Variants in PDE4D observed in about 807,000 individuals in gnomAD.
PDE4D encodes the protein 3',5'-cyclic-AMP phosphodiesterase 4D.
In PDE4D, 24 loss-of-function variants were observed where a neutral mutation model predicts 87.4. That is an observed-to-expected ratio of 0.27 (90% CI 0.20 to 0.39). The LOEUF (loss-of-function observed/expected upper bound fraction) is 0.39. Ranked by LOEUF, PDE4D falls within the 10% of genes least tolerant of loss-of-function variation. PDE4D has a pLI of 1.00. For missense variants in PDE4D, 714 were observed against 1,041.0 expected, an observed-to-expected ratio of 0.69 and a Z score of 4.32; for synonymous variants, 384 against 383.2, an observed-to-expected ratio of 1.00 and a Z score of -0.02.
intron 1 of PDE4D, among the ~76,000 whole-genome samples, chr5:59,480,219 T>A (rs1360169317): frequency 6.6e-6 from 1 of 152,144 alleles, no homozygotes; most frequent in East Asian, 1.9e-4. Flanking sequence ...TTCAAACTGT[T>A]CAGTAATAGT....
intron 1 of PDE4D, among the ~76,000 whole-genome samples, chr5:59,748,490 C>T (rs933217170): frequency 3.3e-5 from 5 of 152,074 alleles, no homozygotes; most frequent in Admixed American, 1.3e-4. Flanking sequence ...GATGAGTTCA[C>T]GTGCTTTGTA....
chr5:59,157,454 C>A (rs1377188844), intron 5 of PDE4D: 25 of 656,566 alleles, frequency 3.8e-5, no homozygotes, highest in Non-Finnish European at 6.6e-5. Flanking sequence ...TATTGTAAAC[C>A]ACTTGAATTT....
At chr5:59,700,856 C>T (rs1752457311) in intron 1 of PDE4D, among the ~76,000 whole-genome samples, 1 of 152,190 alleles carries the variant, frequency 6.6e-6, no homozygotes, top group Non-Finnish European at 1.5e-5. Context: ...AAAGCTAGCT[C>T]AAGCCTATGT....
chr5:59,667,298 G>A (rs756713187), intron 1 of PDE4D, among the ~76,000 whole-genome samples: 7 of 151,974 alleles, frequency 4.6e-5, no homozygotes, highest in Middle Eastern at 3.4e-3. Context: ...GCTGTGTTGC[G>A]TTGCATTGCA....
chr5:60,360,312 G>T (rs1415843955), intron 1 of PDE4D, among the ~76,000 whole-genome samples: 1 of 152,162 alleles, frequency 6.6e-6, no homozygotes, highest in Non-Finnish European at 1.5e-5. Context: ...CTTTGCAGAA[G>T]GAAGCATTAC....
intron 1 of PDE4D, among the ~76,000 whole-genome samples, chr5:59,656,927 T>G (rs1310259209): frequency 6.6e-6 from 1 of 152,218 alleles, no homozygotes; most frequent in African/African-American, 2.4e-5. Context: ...TAACTTTTTT[T>G]CTAATTTGTC....
rs147008726 is a variant in PDE4D at position 59,321,253 on chromosome 5, G to A, written c.456-105285C>T. 6.9e-4 allele frequency among the ~76,000 whole-genome samples: 105 copies of A among 152,010 alleles called. No individual in the cohort carries two copies. The East Asian group carries it at 0.017, about 25-fold the overall frequency. Reference sequence around the variant, plus strand: ...GTTACCTGGCCTATGTCTTTCCCTCGCTCCCTGAGATGGCATTCTTGGAAC... The same window carrying A: ...GTTACCTGGCCTATGTCTTTCCCTCACTCCCTGAGATGGCATTCTTGGAAC... On this transcript the variant is annotated intron_variant, in intron 1 of 14. Coordinates refer to ENST00000340635, the MANE Select transcript of PDE4D (RefSeq NM_001104631.2).
At chr5:60,432,443 G>T (rs889935694) in intron 1 of PDE4D, among the ~76,000 whole-genome samples, 1 of 152,130 alleles carries the variant, frequency 6.6e-6, no homozygotes, top group African/African-American at 2.4e-5. Flanking sequence ...CTTGCTATTG[G>T]TCTGATCAGG....
intron 2 of PDE4D, among the ~76,000 whole-genome samples, chr5:60,047,038 T>A (rs1415689012): frequency 6.6e-6 from 1 of 152,232 alleles, no homozygotes. Flanking sequence ...ATTGCCTCAA[T>A]TTCAGAGCCT....
intron 1 of PDE4D, among the ~76,000 whole-genome samples, chr5:60,402,748 G>T: frequency 6.6e-6 from 1 of 152,170 alleles, no homozygotes; most frequent in East Asian, 1.9e-4. Context: ...GACTCCTAAG[G>T]GATGTTTATA....
intron 1 of PDE4D, among the ~76,000 whole-genome samples, chr5:59,756,803 G>T (rs1374036673): frequency 2.9e-5 from 4 of 139,794 alleles, no homozygotes; most frequent in Non-Finnish European, 4.5e-5. Context: ...GAATGTGGAG[G>T]TTCTTACTTT....
At chr5:59,879,649 A>G (rs1749146548) in intron 1 of PDE4D, among the ~76,000 whole-genome samples, 1 of 152,266 alleles carries the variant, frequency 6.6e-6, no homozygotes, top group African/African-American at 2.4e-5. Context: ...AAATATTTAA[A>G]GCAAATGCTT....
intron 1 of PDE4D, among the ~76,000 whole-genome samples, chr5:59,663,719 G>A (rs970304034): frequency 2.0e-5 from 3 of 152,200 alleles, no homozygotes; most frequent in Middle Eastern, 3.4e-3. Flanking sequence ...GCAGCAGCGG[G>A]ATCTATTTAT....
Position 60,143,087 on chromosome 5 carries a change from G to A in PDE4D, c.42+42470C>T, listed in dbSNP as rs561237443. ...GATTTGGGCAATAAGACACCCTCACGGTAGCTGGGAGTGAATAAGGAACCA... is the reference window on the plus strand; with the variant it reads ...GATTTGGGCAATAAGACACCCTCACAGTAGCTGGGAGTGAATAAGGAACCA... On this transcript the variant is annotated intron_variant, in intron 2 of 16. Coordinates refer to the PDE4D transcript ENST00000502484. Among the ~76,000 whole-genome samples, 5 of 152,288 alleles carry A rather than the reference G, an allele frequency of 3.3e-5. No individual in the cohort carries two copies. In the East Asian group the frequency reaches 7.7e-4, roughly 23 times the overall value.
At chr5:59,173,635 A>G (rs1250016683) in intron 5 of PDE4D, among the ~76,000 whole-genome samples, 2 of 152,198 alleles carry the variant, frequency 1.3e-5, no homozygotes, top group East Asian at 3.8e-4. Flanking sequence ...TTTCGATCAC[A>G]TTTCTTAAAA....
chr5:59,587,976 G>C (rs10472110), intron 1 of PDE4D, among the ~76,000 whole-genome samples: 47,681 of 151,928 alleles, frequency 0.31, 9,112 homozygotes, highest in Middle Eastern at 0.43. Flanking sequence ...AAATGATAGA[G>C]TTTGGTGGAT....
chr5:59,632,442 C>T (rs368817555), intron 1 of PDE4D, among the ~76,000 whole-genome samples: 3 of 152,200 alleles, frequency 2.0e-5, no homozygotes, highest in African/African-American at 7.2e-5. Flanking sequence ...CTGTGCCTCC[C>T]GATAGGGAGA....
intron 1 of PDE4D, among the ~76,000 whole-genome samples, chr5:59,616,945 A>ATATATATATATATATATATCTC (rs936160133): frequency 1.5e-5 from 2 of 137,278 alleles, no homozygotes; most frequent in East Asian, 2.2e-4. Flanking sequence ...ATATATATAT[A>ATATATATATATATATATATCTC]TCTCCAAGAT....
chr5:60,088,352 A>G (rs1164869871), intron 2 of PDE4D, among the ~76,000 whole-genome samples: 1 of 151,824 alleles, frequency 6.6e-6, no homozygotes, highest in Non-Finnish European at 1.5e-5. Context: ...ATTCACTATT[A>G]AAAAACAGAA....
Sources: gnomAD v4.1 joint callset for allele counts (sites outside exome capture counted in the v4.1 genomes callset) on GRCh38, gnomAD v4.1.1 for gene constraint, MANE v1.5 for transcripts, NCBI Gene and HGNC (gene_info 2026-07-23, HGNC 2026-07-21) for gene names.